SNRPD3: variants seen among roughly 807,000 people sequenced by gnomAD.
SNRPD3 encodes the protein small nuclear ribonucleoprotein Sm D3.
For missense variants in SNRPD3, 73 were observed against 167.5 expected, an observed-to-expected ratio of 0.44 and a Z score of 3.11; for synonymous variants, 66 against 58.4, an observed-to-expected ratio of 1.13 and a Z score of -0.59.
intron 3 of SNRPD3, 71 bp from the exon 4 acceptor site, chr22:24,571,845 C>T (rs1601572985): frequency 1.3e-6 from 2 of 1,519,682 alleles, no homozygotes; most frequent in African/African-American, 1.4e-5. Flanking sequence ...GTCCTAGGGC[C>T]CTGGCTACTC....
chr22:24,564,884 AT>A (rs1208151174), intron 2 of SNRPD3, among the ~76,000 whole-genome samples: 2,158 of 143,652 alleles, frequency 0.015, 15 homozygotes, highest in South Asian at 0.032. Flanking sequence ...TGCCTTGTTC[AT>A]TTTTTTTTTT....
intron 2 of SNRPD3, among the ~76,000 whole-genome samples, chr22:24,561,851 T>C (rs2045147112): frequency 1.3e-5 from 2 of 151,560 alleles, no homozygotes; most frequent in African/African-American, 4.9e-5. Flanking sequence ...AAAAATAAAA[T>C]AGACGGATGT....
At chr22:24,571,330 T>C (rs531854944) in intron 3 of SNRPD3, among the ~76,000 whole-genome samples, 1 of 152,290 alleles carries the variant, frequency 6.6e-6, no homozygotes, top group African/African-American at 2.4e-5. Context: ...GCATGCTGCC[T>C]CCCAGCCTCT....
chr22:24,571,987 T>C lies in SNRPD3; in HGVS notation c.*10T>C. The C allele has an allele frequency of 6.2e-7, 1 of 1,613,992 alleles. No homozygotes were observed. The highest frequency in any genetic ancestry group is 8.5e-7 in the Non-Finnish European group (1 of 1,179,828). ...TCAAAAGCGAAGATAATTTTCTAAG[T>C]TGAACAGAACTTTGTCCTTTTTTCT... On this transcript the variant is annotated 3_prime_UTR_variant, in exon 4 of 4. Coordinates refer to ENST00000215829, the MANE Select transcript of SNRPD3 (RefSeq NM_004175.5).
intron 3 of SNRPD3, among the ~76,000 whole-genome samples, chr22:24,569,173 G>A (rs1368038593): frequency 6.6e-6 from 1 of 152,188 alleles, no homozygotes; most frequent in Non-Finnish European, 1.5e-5. Context: ...TGTACTTAGG[G>A]AGGTCTGATA....
rs534820659 is a variant in SNRPD3 at position 24,560,822 on chromosome 22, C to T, written c.126+3022C>T. 3.0e-4 allele frequency among the ~76,000 whole-genome samples: 41 copies of T among 138,876 alleles called. No individual in the cohort carries two copies. The Admixed American group carries it at 3.0e-3, about 10-fold the overall frequency. 91.1% of individuals were successfully genotyped at this position (138,876 alleles called of 152,430 possible). On this transcript the variant is annotated intron_variant, in intron 2 of 3. Coordinates refer to ENST00000215829, the MANE Select transcript of SNRPD3 (RefSeq NM_004175.5). ...AGCTCACTGCAAACCTCCGTCTTCCCGGGTTTAAGCAACTCTCTTGCCTCA... is the reference window on the plus strand; with the variant it reads ...AGCTCACTGCAAACCTCCGTCTTCCTGGGTTTAAGCAACTCTCTTGCCTCA...
At chr22:24,555,746 G>T (rs1440672515), upstream of SNRPD3, 10 of 1,550,650 alleles carry the variant, frequency 6.4e-6, no homozygotes, top group Non-Finnish European at 8.7e-6. Flanking sequence ...CCTTGGTGTG[G>T]GGTGCTTGGA....
chr22:24,567,342 G>C (rs2045205607), intron 2 of SNRPD3, among the ~76,000 whole-genome samples: 1 of 152,244 alleles, frequency 6.6e-6, no homozygotes, highest in African/African-American at 2.4e-5. Context: ...TCAGCAGGCA[G>C]TGCAGCACAG....
At chr22:24,564,632 G>T (rs5760477) in intron 2 of SNRPD3, among the ~76,000 whole-genome samples, 146,338 of 152,254 alleles carry the variant, frequency 0.96, 70,511 homozygotes, top group Non-Finnish European at 1. Context: ...AGGAGTCAGA[G>T]GACACTGGAC....
At position 24,572,503 on chromosome 22, in the gene SNRPD3, A is replaced by ATG. The variant is rs796223225; in HGVS notation, c.*528_*529dup. On this transcript the variant is annotated 3_prime_UTR_variant, in exon 4 of 4. Coordinates refer to ENST00000215829, the MANE Select transcript of SNRPD3 (RefSeq NM_004175.5). ...AGGGGCTGGGTGCGGCGGCTCACGC[A>ATG]TGTAATCCCAGCACTTTGGGAGGCC... 3.9e-4 allele frequency: 88 copies of ATG among 227,246 alleles called. No homozygotes were observed. Among genetic ancestry groups the ATG allele is most frequent in the African/African-American group, 1.9e-3 (83 of 42,842 alleles). The allele number at this position is 227,246 out of a possible 1,614,324, so 14.1% of individuals were successfully genotyped here.
intron 3 of SNRPD3, among the ~76,000 whole-genome samples, chr22:24,570,637 C>T (rs938347787): frequency 9.9e-5 from 15 of 151,836 alleles, no homozygotes; most frequent in Admixed American, 3.9e-4. Context: ...GAGCCGAAAT[C>T]GTGCCACTGC....
intron 3 of SNRPD3, among the ~76,000 whole-genome samples, chr22:24,568,929 G>A (rs1203151365): frequency 2.0e-5 from 3 of 152,156 alleles, no homozygotes; most frequent in African/African-American, 7.2e-5. Context: ...GGCTGGTCTT[G>A]AAGTCCTGAC....
intron 2 of SNRPD3, among the ~76,000 whole-genome samples, chr22:24,561,072 T>C (rs1341590162): frequency 3.1e-5 from 4 of 127,844 alleles, no homozygotes; most frequent in African/African-American, 1.2e-4. Flanking sequence ...TTCTTTTTTT[T>C]TTTTTTTTTT....
chr22:24,561,671 G>A (rs2045145349), intron 2 of SNRPD3, among the ~76,000 whole-genome samples: 1 of 152,150 alleles, frequency 6.6e-6, no homozygotes, highest in African/African-American at 2.4e-5. Context: ...CATCCTCTTA[G>A]CACTTTTCCT....
At chr22:24,555,700 C>A, upstream of SNRPD3, 1 of 1,550,652 alleles carries the variant, frequency 6.4e-7, no homozygotes, top group Non-Finnish European at 8.7e-7. Flanking sequence ...GTCTGAGGGC[C>A]CAAGCCCCGC....
Position 24,574,246 on chromosome 22 carries a change from C to G in SNRPD3, c.*2269C>G, listed in dbSNP as rs2045271198. ...TACAGGAACACCAGCCTTGCAGATT[C>G]TCCACGCAATGGAAACTGGCTATAA... On this transcript the variant is annotated 3_prime_UTR_variant, in exon 4 of 4. Coordinates refer to ENST00000215829, the MANE Select transcript of SNRPD3 (RefSeq NM_004175.5). Among the ~76,000 whole-genome samples the G allele has an allele frequency of 6.6e-6, 1 of 152,218 alleles. No individual in the cohort carries two copies. The highest frequency in any genetic ancestry group is 2.4e-5 in the African/African-American group (1 of 41,450).
upstream of SNRPD3, chr22:24,555,902 C>T: frequency 1.4e-6 from 2 of 1,459,752 alleles, no homozygotes; most frequent in Non-Finnish European, 1.8e-6. Context: ...GAGGAGGAAG[C>T]GGAGGCGAGA....
chr22:24,573,569 A>G lies in SNRPD3; in HGVS notation c.*1592A>G, dbSNP rs986576277. Among the ~76,000 whole-genome samples, 3 of 152,220 alleles carry G rather than the reference A, an allele frequency of 2.0e-5. No homozygotes were observed. The highest frequency in any genetic ancestry group is 7.2e-5 in the African/African-American group (3 of 41,452). ...AGCATCAGTGAGTTGGTCAGATACA[A>G]TAGACGTTTAAAATAGGGCTTCAGG... On this transcript the variant is annotated 3_prime_UTR_variant, in exon 4 of 4. Transcript: ENST00000215829.
intron 2 of SNRPD3, among the ~76,000 whole-genome samples, chr22:24,559,049 AGTGCCTCACATACT>A (rs1238429189): frequency 1.3e-5 from 2 of 152,230 alleles, no homozygotes; most frequent in Non-Finnish European, 2.9e-5. Context: ...ATAGCTGCTC[AGTGCCTCACATACT>A]GTGAGTGTTC....
Sources: allele counts gnomAD v4.1 joint callset (sites outside exome capture counted in the v4.1 genomes callset), GRCh38; gene constraint gnomAD v4.1.1; transcripts MANE v1.5; gene names NCBI Gene and HGNC (gene_info 2026-07-23, HGNC 2026-07-21).